Variants in UGDH observed in about 807,000 individuals in gnomAD.
UGDH encodes UDP-Glc dehydrogenase.
UGDH carries 38 observed loss-of-function variants against 50.6 expected under a neutral mutation model. The observed-to-expected ratio is 0.75, with a 90% confidence interval of 0.58 to 0.98. The LOEUF (loss-of-function observed/expected upper bound fraction) is 0.98. Among genes scored for constraint, UGDH ranks in the 50% least tolerant of loss-of-function variants. UGDH has a pLI of 0.00. For missense variants in UGDH, 465 were observed against 606.2 expected, an observed-to-expected ratio of 0.77 and a Z score of 2.45; for synonymous variants, 168 against 199.9, an observed-to-expected ratio of 0.84 and a Z score of 1.35.
At chr4:39,505,466 G>A in intron 8 of UGDH, 96 bp from the exon 9 acceptor site, 6 of 1,190,936 alleles carry the variant, frequency 5.0e-6, no homozygotes, top group Non-Finnish European at 6.6e-6. Flanking sequence ...TATTTCTGAA[G>A]CTGGTAGAGT....
rs1410406781 is a variant in UGDH at position 39,509,527 on chromosome 4, G to A, written c.811+233C>T. 5.9e-5 allele frequency among the ~76,000 whole-genome samples: 9 copies of A among 152,238 alleles called. No individual in the cohort carries two copies. The South Asian group carries it at 1.7e-3, about 28-fold the overall frequency. Reference sequence around the variant, plus strand: ...TTGCTCTAGTGCAATGCAGTATGCAGTAAGGAATAATATGGCTTTGGCGTT... The same window carrying A: ...TTGCTCTAGTGCAATGCAGTATGCAATAAGGAATAATATGGCTTTGGCGTT... On this transcript the variant is annotated intron_variant, in intron 6 of 11. Transcript: ENST00000316423.
At chr4:39,522,764 C>CTT (rs5857683) in intron 1 of UGDH, among the ~76,000 whole-genome samples, 7 of 133,728 alleles carry the variant, frequency 5.2e-5, no homozygotes, top group Admixed American at 7.6e-5. Flanking sequence ...TCCCTCATGA[C>CTT]TTTTTTTTTT....
rs1745702498 is a variant in UGDH at position 39,499,372 on chromosome 4, C to A, written c.*771G>T. On this transcript the variant is annotated 3_prime_UTR_variant, in exon 12 of 12. Transcript: ENST00000316423. ...TATTAAAACAAAAGGAACAAAGGAA[C>A]TTTAACCAGACCATACATGTAAAGG... 6.6e-6 allele frequency: 1 copy of A among 152,082 alleles called. No individual in the cohort carries two copies. Among genetic ancestry groups the A allele is most frequent in the Non-Finnish European group, 1.5e-5 (1 of 68,004 alleles). The allele number at this position is 152,082 out of a possible 1,614,324, so 9.4% of individuals were successfully genotyped here. A position where few individuals can be genotyped will look rare whatever the true frequency, so the allele number is the denominator to read the frequency against.
intron 11 of UGDH, 57 bp downstream of exon 11, chr4:39,503,818 G>A (rs1384781651): frequency 6.7e-7 from 1 of 1,485,588 alleles, no homozygotes; most frequent in Non-Finnish European, 9.3e-7. Context: ...CCCAGTTGTT[G>A]AATCAAACAC....
intron 11 of UGDH, among the ~76,000 whole-genome samples, chr4:39,503,400 T>C (rs1745902466): frequency 6.6e-6 from 1 of 152,172 alleles, no homozygotes; most frequent in South Asian, 2.1e-4. Context: ...AACTCCCATA[T>C]GTTTCATTCA....
intron 7 of UGDH, among the ~76,000 whole-genome samples, chr4:39,508,170 C>T (rs1225498509): frequency 2.0e-5 from 3 of 152,138 alleles, no homozygotes; most frequent in Non-Finnish European, 4.4e-5. Flanking sequence ...AAAAACATTT[C>T]ATGGACAAAA....
intron 11 of UGDH, among the ~76,000 whole-genome samples, chr4:39,501,056 G>A (rs1355573649): frequency 6.7e-6 from 1 of 149,030 alleles, no homozygotes. Flanking sequence ...CCTCTGCCTC[G>A]CAGGTTCAAG....
rs770581172 is a variant in UGDH, at chr4:39,510,879, G to A, written c.265-18C>T. On this transcript the variant is annotated intron_variant, in intron 3 of 11. Coordinates refer to ENST00000316423, the MANE Select transcript of UGDH (RefSeq NM_003359.4). ...GTATTCACCTGATGTAAGTATATGG[G>A]ATAAAGAACAGAGTGCCTGTGAGAT... The A allele has an allele frequency of 1.2e-6, 2 of 1,613,560 alleles. No individual in the cohort carries two copies. The highest frequency in any genetic ancestry group is 1.7e-6 in the Non-Finnish European group (2 of 1,179,628).
In UGDH at chr4:39,506,566, T is replaced by C. The variant is rs145251994; in HGVS notation, c.907-818A>G. Among the ~76,000 whole-genome samples, 4 of 152,330 alleles carry C rather than the reference T, an allele frequency of 2.6e-5. No homozygotes were observed. In the East Asian group the frequency reaches 5.8e-4, roughly 22 times the overall value. On this transcript the variant is annotated intron_variant, in intron 7 of 11. Coordinates refer to ENST00000316423, the MANE Select transcript of UGDH (RefSeq NM_003359.4). The stretch of plus-strand genomic sequence containing the variant: ...GTGCAGAGTTCTAGCTGCCTCTGGA[T>C]GAACCATAACACCACAACTATTTGA...
chr4:39,516,129 T>TA (rs949392441), intron 2 of UGDH, among the ~76,000 whole-genome samples: 8 of 152,172 alleles, frequency 5.3e-5, no homozygotes, highest in African/African-American at 1.7e-4. Context: ...AAAAAAATTT[T>TA]AAAAAATAGC....
chr4:39,505,196 A>G, intron 9 of UGDH, 41 bp downstream of exon 9: 1 of 1,554,060 alleles, frequency 6.4e-7, no homozygotes. Flanking sequence ...AAAAGTTTTC[A>G]GGTCTGGACT....
chr4:39,509,712 C>T, intron 6 of UGDH, 48 bp downstream of exon 6: 1 of 1,573,070 alleles, frequency 6.4e-7, no homozygotes, highest in Non-Finnish European at 8.6e-7. Flanking sequence ...AATATGCCTT[C>T]AGTAAATAAA....
chr4:39,504,124 T>C (rs1745934562), intron 10 of UGDH, 139 bp from the exon 11 acceptor site: 4 of 691,050 alleles, frequency 5.8e-6, no homozygotes, highest in East Asian at 2.8e-5. Context: ...CTGGCCAACA[T>C]GGTGAAACCC....
chr4:39,505,396 G>A, intron 8 of UGDH, 26 bp from the exon 9 acceptor site: 3 of 1,488,258 alleles, frequency 2.0e-6, no homozygotes, highest in Non-Finnish European at 1.8e-6. Context: ...AATCAGTATT[G>A]GTAAGCTTTA....
At position 39,504,347 on chromosome 4, in the gene UGDH, C is replaced by T. The variant is rs925055051; in HGVS notation, c.1263+70G>A. 5 of 1,388,322 alleles carry T rather than the reference C, an allele frequency of 3.6e-6. No homozygotes were observed. The African/African-American group carries it at 7.1e-5, about 20-fold the overall frequency. 86.0% of individuals were successfully genotyped at this position (1,388,322 alleles called of 1,614,324 possible). On this transcript the variant is annotated intron_variant, in intron 10 of 11. Transcript: ENST00000316423. ...AAAAACAAAAAAACACATACATGAA[C>T]ACATACTCAACCCCAGCTGATAGTG...
At chr4:39,509,256 G>A (rs1746139435) in intron 6 of UGDH, among the ~76,000 whole-genome samples, 1 of 151,852 alleles carries the variant, frequency 6.6e-6, no homozygotes, top group South Asian at 2.1e-4. Context: ...AAAGTGCTGG[G>A]ATTATAGGCA....
intron 2 of UGDH, among the ~76,000 whole-genome samples, chr4:39,517,505 C>T (rs887212575): frequency 9.2e-5 from 14 of 152,082 alleles, no homozygotes; most frequent in East Asian, 3.8e-4. Context: ...CCACCACACC[C>T]GGCCTAAACT....
intron 1 of UGDH, chr4:39,526,953 G>T (rs1746924433): frequency 8.1e-7 from 1 of 1,227,282 alleles, no homozygotes; most frequent in Non-Finnish European, 1.1e-6. Context: ...CGAGAGAACC[G>T]CTTCCTGTGG....
At chr4:39,521,071 A>G (rs966257927) in intron 2 of UGDH, among the ~76,000 whole-genome samples, 4 of 93,052 alleles carry the variant, frequency 4.3e-5, no homozygotes, top group African/African-American at 9.2e-5. Context: ...CTCCGTCTCA[A>G]AAAAAAAAAA....
Sources: gnomAD v4.1 joint callset for allele counts (sites outside exome capture counted in the v4.1 genomes callset) on GRCh38, gnomAD v4.1.1 for gene constraint, MANE v1.5 for transcripts, NCBI Gene and HGNC (gene_info 2026-07-23, HGNC 2026-07-21) for gene names.